The following SCN8A variants were observed in gnomAD, a reference collection of about 807,000 sequenced individuals.
SCN8A encodes sodium voltage-gated channel alpha subunit 8, also known as sodium channel protein type 8 subunit alpha.
Under a neutral mutation model 184.1 loss-of-function variants are expected in SCN8A, and 30 were observed. That is an observed-to-expected ratio of 0.16 (90% CI 0.12 to 0.22). The LOEUF is 0.22. Among genes scored for constraint, SCN8A ranks in the 10% least tolerant of loss-of-function variants. The pLI is 1.00. For synonymous variants in SCN8A, 852 were observed against 907.0 expected, an observed-to-expected ratio of 0.94 and a Z score of 1.09; for missense variants, 1,057 against 2,498.9, an observed-to-expected ratio of 0.42 and a Z score of 12.30.
intron 18 of SCN8A, 120 bp from the exon 19 acceptor site, chr12:51,770,409 C>A: frequency 1.8e-6 from 2 of 1,118,216 alleles, no homozygotes; most frequent in Non-Finnish European, 2.5e-6. Flanking sequence ...TCTGATTCAG[C>A]CACTGTCCTC....
chr12:51,775,913 T>G (rs2138882017), intron 20 of SCN8A, among the ~76,000 whole-genome samples: 1 of 152,316 alleles, frequency 6.6e-6, no homozygotes, highest in East Asian at 1.9e-4. Context: ...TACCCAGAAT[T>G]TGAGGATATT....
At chr12:51,787,813 T>C (rs1162091958) in intron 22 of SCN8A, among the ~76,000 whole-genome samples, 1 of 152,214 alleles carries the variant, frequency 6.6e-6, no homozygotes, top group Non-Finnish European at 1.5e-5. Flanking sequence ...GCAAAGTTCA[T>C]GGAATGAACT....
chr12:51,641,748 G>A (rs1366609617), intron 1 of SCN8A, among the ~76,000 whole-genome samples: 1 of 152,170 alleles, frequency 6.6e-6, no homozygotes, highest in Non-Finnish European at 1.5e-5. Context: ...AATCACTGGG[G>A]CGGAGAGCAG....
At chr12:51,614,491 G>C (rs914520383) in intron 1 of SCN8A, among the ~76,000 whole-genome samples, 5 of 151,898 alleles carry the variant, frequency 3.3e-5, no homozygotes, top group Non-Finnish European at 5.9e-5. Flanking sequence ...CAGATTTATA[G>C]AAGTGTTGCA....
rs1196995719 is a variant in SCN8A, at chr12:51,628,397, A to G, written c.-54-34367A>G. On this transcript the variant is annotated intron_variant, in intron 1 of 26. Coordinates refer to ENST00000627620, the MANE Select transcript of SCN8A (RefSeq NM_001330260.2). ...TTCTGCAGAAGAAATCTCTGAGGCT[A>G]CTGATGTCACTAATAATATAATCCA... 2.0e-5 allele frequency among the ~76,000 whole-genome samples: 3 copies of G among 152,218 alleles called. No homozygotes were observed. In the East Asian group the frequency reaches 5.8e-4, roughly 29 times the overall value.
At chr12:51,741,658 A>G (rs1422828035) in intron 12 of SCN8A, among the ~76,000 whole-genome samples, 1 of 152,126 alleles carries the variant, frequency 6.6e-6, no homozygotes, top group Non-Finnish European at 1.5e-5. Context: ...CGAGGCTACC[A>G]TGAGGCTTGC....
intron 1 of SCN8A, among the ~76,000 whole-genome samples, chr12:51,617,354 A>G (rs1310676238): frequency 1.3e-5 from 2 of 151,924 alleles, no homozygotes; most frequent in African/African-American, 2.4e-5. Flanking sequence ...TTTCAAGTTC[A>G]TCAACTATTC....
chr12:51,783,234 G>A (rs752596281), intron 21 of SCN8A, among the ~76,000 whole-genome samples: 5 of 152,156 alleles, frequency 3.3e-5, no homozygotes, highest in African/African-American at 9.7e-5. Flanking sequence ...TTGGCTAAGC[G>A]TATAGTAAGT....
At position 51,755,763 on chromosome 12, in the gene SCN8A, C is replaced by G. The variant is rs1942664234; in HGVS notation, c.2370+4170C>G. ...GGATATTGCAAACCATGAGTTGATC[C>G]TGTCACTTCCAATTCTAATCCAACA... On this transcript the variant is annotated intron_variant, in intron 14 of 26. Coordinates refer to ENST00000627620, the MANE Select transcript of SCN8A (RefSeq NM_001330260.2). Among the ~76,000 whole-genome samples, 3 of 152,280 alleles carry G rather than the reference C, an allele frequency of 2.0e-5. No individual in the cohort carries two copies. In the South Asian group the frequency reaches 6.2e-4, roughly 32 times the overall value.
chr12:51,799,930 C>T lies in SCN8A; in HGVS notation c.4795+5289C>T, dbSNP rs1300076473. On this transcript the variant is annotated intron_variant, in intron 26 of 26. Coordinates refer to ENST00000627620, the MANE Select transcript of SCN8A (RefSeq NM_001330260.2). Reference sequence around the variant, plus strand: ...CCTGAATTTTAGTCTGATTTATTTCCCATCCCCTGGCACCCAAATGTCTCA... The same window carrying T: ...CCTGAATTTTAGTCTGATTTATTTCTCATCCCCTGGCACCCAAATGTCTCA... Among the ~76,000 whole-genome samples, 3 of 152,324 alleles carry T rather than the reference C, an allele frequency of 2.0e-5. No individual in the cohort carries two copies. The East Asian group carries it at 5.8e-4, about 29-fold the overall frequency.
intron 2 of SCN8A, among the ~76,000 whole-genome samples, chr12:51,667,847 G>C (rs1941062434): frequency 6.6e-6 from 1 of 152,058 alleles, no homozygotes; most frequent in South Asian, 2.1e-4. Flanking sequence ...TTACAAGATT[G>C]ATCAATGTGT....
At chr12:51,753,007 A>G (rs1451762638) in intron 14 of SCN8A, among the ~76,000 whole-genome samples, 2 of 152,028 alleles carry the variant, frequency 1.3e-5, no homozygotes, top group African/African-American at 4.8e-5. Context: ...AGGCTTTTTC[A>G]CCTATCCCCA....
At chr12:51,674,283 G>A (rs1162530864) in intron 2 of SCN8A, among the ~76,000 whole-genome samples, 2 of 152,120 alleles carry the variant, frequency 1.3e-5, no homozygotes, top group East Asian at 1.9e-4. Flanking sequence ...CTGCAGGCTT[G>A]TGCCAAGTAT....
chr12:51,663,399 C>T (rs1181654968), intron 2 of SCN8A, among the ~76,000 whole-genome samples: 2 of 152,026 alleles, frequency 1.3e-5, no homozygotes, highest in Non-Finnish European at 2.9e-5. Flanking sequence ...AAAGATAGTA[C>T]AGCCTCCCTC....
At position 51,706,614 on chromosome 12, in the gene SCN8A, C is replaced by T; in HGVS notation, c.1534C>T (p.Pro512Ser). ...ELSEGEEKGDPEKVFKSESED... is the reference protein window; with the variant it reads ...ELSEGEEKGDSEKVFKSESED... ...CTCTGAAGGAGAGGAGAAAGGGGAT[C>T]CCGAGAAGGTGTTTAAGTCAGAGTC... The change falls in exon 11 of 27, where the codon CCC becomes TCC. Residue 512 changes from proline (P) to serine (S), a missense_variant. Pro to Ser is a moderately conservative substitution (Grantham distance 74). Around this residue, in one of 19 missense-constraint regions of SCN8A, gnomAD observed 322 missense variants for 390.1 expected, o/e 0.83. Coordinates refer to ENST00000627620, the MANE Select transcript of SCN8A (RefSeq NM_001330260.2). 2 of 1,608,404 alleles carry T rather than the reference C, an allele frequency of 1.2e-6. No homozygotes were observed. Among genetic ancestry groups the T allele is most frequent in the South Asian group, 2.2e-5 (2 of 89,750 alleles).
intron 2 of SCN8A, among the ~76,000 whole-genome samples, chr12:51,672,945 A>T (rs1434314907): frequency 1.3e-5 from 2 of 152,140 alleles, no homozygotes; most frequent in African/African-American, 2.4e-5. Flanking sequence ...TGTTCCAGGG[A>T]TCTGTGAATT....
chr12:51,683,294 AG>A (rs1185220554), intron 2 of SCN8A, among the ~76,000 whole-genome samples: 16 of 152,216 alleles, frequency 1.1e-4, no homozygotes, highest in African/African-American at 3.9e-4. Flanking sequence ...TTCAGAACAC[AG>A]GGCATTCTGG....
At chr12:51,737,458 A>T (rs1402552100) in intron 12 of SCN8A, among the ~76,000 whole-genome samples, 1 of 152,306 alleles carries the variant, frequency 6.6e-6, no homozygotes, top group Admixed American at 6.5e-5. Context: ...TGAGACTAGG[A>T]TTTCCTCTAA....
At chr12:51,765,333 G>A (rs1285509656) in intron 15 of SCN8A, among the ~76,000 whole-genome samples, 1 of 152,144 alleles carries the variant, frequency 6.6e-6, no homozygotes, top group East Asian at 1.9e-4. Context: ...CACTTGTCCT[G>A]TGAGAAGTCA....
Sources: gnomAD v4.1 joint callset for allele counts (sites outside exome capture counted in the v4.1 genomes callset) on GRCh38, gnomAD v4.1.1 for gene constraint, gnomAD v4.1.1 regional missense constraint, MANE v1.5 for transcripts, NCBI Gene and HGNC (gene_info 2026-07-23, HGNC 2026-07-21) for gene names.